GPHN: variants seen among roughly 807,000 people sequenced by gnomAD.
The protein encoded by GPHN is gephyrin.
Under a neutral mutation model 95.5 loss-of-function variants are expected in GPHN, and 17 were observed. The ratio of observed to expected loss-of-function variants is 0.18; its 90% confidence interval spans 0.12 to 0.27. The LOEUF is 0.27. Ranked by LOEUF, GPHN falls within the 10% of genes least tolerant of loss-of-function variation. GPHN has a pLI of 1.00. For synonymous variants in GPHN, 320 were observed against 322.5 expected (o/e 0.99, Z 0.08); for missense variants, 660 against 978.1 (o/e 0.67, Z 4.34).
intron 1 of GPHN, among the ~76,000 whole-genome samples, chr14:66,661,248 C>T (rs949222218): frequency 6.6e-6 from 1 of 152,194 alleles, no homozygotes; most frequent in Non-Finnish European, 1.5e-5. Flanking sequence ...AGAGTTGTAC[C>T]TACCTGGGAC....
intron 1 of GPHN, among the ~76,000 whole-genome samples, chr14:66,638,904 C>T (rs2064246351): frequency 6.6e-6 from 1 of 152,016 alleles, no homozygotes; most frequent in African/African-American, 2.4e-5. Flanking sequence ...AGACAACTAT[C>T]AATGTGTGAA....
At chr14:67,108,068 T>G (rs935410766) in intron 13 of GPHN, among the ~76,000 whole-genome samples, 1 of 152,214 alleles carries the variant, frequency 6.6e-6, no homozygotes, top group African/African-American at 2.4e-5. Flanking sequence ...CTCCAATGTC[T>G]GGATGGAGTT....
At chr14:67,561,869 CAAAAAAAA>C in the GPHN span, 1 of 755,740 alleles carries the variant, frequency 1.3e-6, no homozygotes, top group Non-Finnish European at 2.0e-6. Flanking sequence ...GACCCTGTCT[CAAAAAAAA>C]AAAAAAAAAG....
At chr14:67,590,003 G>C in the GPHN span, 2 of 1,475,978 alleles carry the variant, frequency 1.4e-6, no homozygotes, top group African/African-American at 2.8e-5. Flanking sequence ...TGATGGTTTG[G>C]AGTACGGAAA....
chr14:66,725,975 A>G (rs550211525), intron 2 of GPHN, among the ~76,000 whole-genome samples: 2 of 152,256 alleles, frequency 1.3e-5, no homozygotes, highest in Admixed American at 1.3e-4. Flanking sequence ...TTAGCATAGT[A>G]ATTGTTATTT....
intron 1 of GPHN, among the ~76,000 whole-genome samples, chr14:66,672,200 T>C (rs893099350): frequency 2.0e-5 from 3 of 152,184 alleles, no homozygotes; most frequent in Non-Finnish European, 4.4e-5. Context: ...TTTTGACATG[T>C]TCTTTAGAAG....
At chr14:67,259,782 T>C in the GPHN span, among the ~76,000 whole-genome samples, 1 of 150,906 alleles carries the variant, frequency 6.6e-6, no homozygotes, top group African/African-American at 2.4e-5. Flanking sequence ...CATGGTGCCA[T>C]GCGCCTGTAG....
chr14:67,290,428 G>C, the GPHN span, among the ~76,000 whole-genome samples: 1 of 152,184 alleles, frequency 6.6e-6, no homozygotes, highest in Admixed American at 6.5e-5. Flanking sequence ...TATTTGATGA[G>C]GTCTCACTCA....
the GPHN span, among the ~76,000 whole-genome samples, chr14:67,460,763 C>A: frequency 1.3e-5 from 2 of 152,160 alleles, no homozygotes. Context: ...TCATAGATTT[C>A]TGTGTAGAAA....
the GPHN span, among the ~76,000 whole-genome samples, chr14:67,216,926 A>G: frequency 6.6e-6 from 1 of 152,152 alleles, no homozygotes; most frequent in African/African-American, 2.4e-5. Flanking sequence ...CTGTTAAGTC[A>G]TTTGGTCTGT....
At position 66,561,182 on chromosome 14, in the gene GPHN, A is replaced by C. The variant is rs191335050; in HGVS notation, c.64+52591A>C. On this transcript the variant is annotated intron_variant, in intron 1 of 22. Transcript: ENST00000478722. ...AGGATTTTTGCATCAATGTTCATCA[A>C]GGATATTGGTCTAAAATCTCTTTTT... 9.2e-5 allele frequency among the ~76,000 whole-genome samples: 14 copies of C among 152,230 alleles called. No homozygotes were observed. The East Asian group carries it at 1.9e-3, about 21-fold the overall frequency.
At chr14:67,161,919 C>T (rs551561370) in intron 19 of GPHN, among the ~76,000 whole-genome samples, 55 of 152,260 alleles carry the variant, frequency 3.6e-4, no homozygotes, top group African/African-American at 1.3e-3. Flanking sequence ...TTACCACTCA[C>T]TTCAACTTTA....
At chr14:66,973,711 C>A (rs2069990953) in intron 9 of GPHN, among the ~76,000 whole-genome samples, 1 of 152,014 alleles carries the variant, frequency 6.6e-6, no homozygotes, top group South Asian at 2.1e-4. Context: ...GTGAGCTGAG[C>A]TCACGCCACT....
At chr14:66,798,748 T>C (rs2060244406) in intron 3 of GPHN, among the ~76,000 whole-genome samples, 1 of 151,804 alleles carries the variant, frequency 6.6e-6, no homozygotes, top group South Asian at 2.1e-4. Flanking sequence ...TATTGTTTAA[T>C]TTTTCAAAAA....
At chr14:67,248,606 G>A in the GPHN span, among the ~76,000 whole-genome samples, 1 of 152,058 alleles carries the variant, frequency 6.6e-6, no homozygotes, top group South Asian at 2.1e-4. Flanking sequence ...GGCCTCCAGG[G>A]TTCTTGGCAT....
chr14:67,428,172 G>A, the GPHN span, among the ~76,000 whole-genome samples: 1 of 152,066 alleles, frequency 6.6e-6, no homozygotes, highest in Non-Finnish European at 1.5e-5. Flanking sequence ...ACCCGCCTCA[G>A]CCTCCCAAAG....
At chr14:66,575,801 C>T (rs1390176496) in intron 1 of GPHN, among the ~76,000 whole-genome samples, 1 of 152,036 alleles carries the variant, frequency 6.6e-6, no homozygotes, top group Non-Finnish European at 1.5e-5. Context: ...CTGGGATCTA[C>T]TGGGGTAGGC....
the GPHN span, among the ~76,000 whole-genome samples, chr14:67,430,173 ATTCCAGTCC>A: frequency 6.6e-6 from 1 of 152,332 alleles, no homozygotes; most frequent in South Asian, 2.1e-4. Flanking sequence ...ACAATCACAC[ATTCCAGTCC>A]CCTCCACAAA....
In GPHN at chr14:67,041,853, A is replaced by T. The variant is rs561356970; in HGVS notation, c.1007-16796A>T. On this transcript the variant is annotated intron_variant, in intron 10 of 22. Transcript: ENST00000478722. ...CCACTAACAGTGTAAATGTGTTCCT[A>T]TTCTTCCACAACCTCTCCAGCATCT... Among the ~76,000 whole-genome samples the T allele has an allele frequency of 6.6e-5, 10 of 152,288 alleles. No individual in the cohort carries two copies. The East Asian group carries it at 1.9e-3, about 29-fold the overall frequency.
Sources: gnomAD v4.1 joint callset for allele counts (sites outside exome capture counted in the v4.1 genomes callset) on GRCh38, gnomAD v4.1.1 for gene constraint, MANE v1.5 for transcripts, NCBI Gene and HGNC (gene_info 2026-07-23, HGNC 2026-07-21) for gene names.